ZBTB7C: variants seen among roughly 807,000 people sequenced by gnomAD.
ZBTB7C encodes the protein zinc finger and BTB domain containing 7C.
In ZBTB7C, 8 loss-of-function variants were observed where a neutral mutation model predicts 25.7. The ratio of observed to expected loss-of-function variants is 0.31; its 90% CI spans 0.18 to 0.56. The LOEUF (loss-of-function observed/expected upper bound fraction) is 0.56, where lower values mean the gene tolerates loss of function less well. Ranked by LOEUF, ZBTB7C falls within the 20% of genes least tolerant of loss-of-function variation. The pLI, the probability that ZBTB7C is intolerant of heterozygous loss-of-function variation, is 0.91. For missense variants in ZBTB7C, 824 were observed against 855.2 expected (o/e 0.96, Z 0.46); for synonymous variants, 394 against 369.0 (o/e 1.07, Z -0.78).
intron 2 of ZBTB7C, among the ~76,000 whole-genome samples, chr18:48,196,066 T>C (rs2042311168): frequency 6.6e-6 from 1 of 152,230 alleles, no homozygotes; most frequent in Non-Finnish European, 1.5e-5. Context: ...AGTGTTCCTC[T>C]AGCTGTGGGT....
intron 1 of ZBTB7C, among the ~76,000 whole-genome samples, chr18:48,405,145 A>G (rs1416773695): frequency 6.6e-6 from 1 of 152,018 alleles, no homozygotes; most frequent in Admixed American, 6.5e-5. Flanking sequence ...CAGGGAAAAA[A>G]TCTGTTCGGC....
intron 3 of ZBTB7C, among the ~76,000 whole-genome samples, chr18:48,183,087 G>A (rs867310596): frequency 1.3e-5 from 2 of 151,880 alleles, no homozygotes; most frequent in Admixed American, 6.6e-5. Context: ...TAAAGAGTTC[G>A]AAAACGTTTG....
At chr18:48,136,498 A>G (rs2040167275) in intron 3 of ZBTB7C, among the ~76,000 whole-genome samples, 1 of 152,030 alleles carries the variant, frequency 6.6e-6, no homozygotes, top group Non-Finnish European at 1.5e-5. Flanking sequence ...CCAAGTTGCC[A>G]TGGCTTTTGT....
intron 2 of ZBTB7C, among the ~76,000 whole-genome samples, chr18:48,302,888 AC>A (rs1365813171): frequency 6.6e-6 from 1 of 152,066 alleles, no homozygotes; most frequent in Non-Finnish European, 1.5e-5. Context: ...CCACTTTGCA[AC>A]CCCAGGGCCC....
chr18:48,097,342 T>C (rs1279256280), intron 3 of ZBTB7C, among the ~76,000 whole-genome samples: 2 of 152,006 alleles, frequency 1.3e-5, no homozygotes, highest in East Asian at 1.9e-4. Flanking sequence ...TGAGAGAGCA[T>C]ATGGTCCCAG....
chr18:48,222,592 C>T (rs531659334), intron 2 of ZBTB7C, among the ~76,000 whole-genome samples: 86 of 152,290 alleles, frequency 5.6e-4, no homozygotes, highest in African/African-American at 2.0e-3. Flanking sequence ...TGCCTGCTGC[C>T]TCCCAAATCT....
chr18:48,046,926 T>C (rs1243814720), intron 3 of ZBTB7C, among the ~76,000 whole-genome samples: 1 of 152,198 alleles, frequency 6.6e-6, no homozygotes, highest in Admixed American at 6.5e-5. Flanking sequence ...GAACCCACCC[T>C]GTGACCCTGG....
intron 2 of ZBTB7C, among the ~76,000 whole-genome samples, chr18:48,235,826 A>G (rs1466670842): frequency 6.6e-6 from 1 of 152,176 alleles, no homozygotes; most frequent in Non-Finnish European, 1.5e-5. Context: ...CCTTTGTAGG[A>G]CATCCATCTT....
intron 2 of ZBTB7C, among the ~76,000 whole-genome samples, chr18:48,260,699 T>C (rs547983494): frequency 6.6e-6 from 1 of 152,304 alleles, no homozygotes; most frequent in South Asian, 2.1e-4. Context: ...GTGCGAGAAC[T>C]GTAGTAAAGT....
Position 48,223,341 on chromosome 18 carries a change from T to A in ZBTB7C, c.-78-37346A>T, listed in dbSNP as rs188574573. On this transcript the variant is annotated intron_variant, in intron 2 of 4. Coordinates refer to ENST00000590800, the MANE Select transcript of ZBTB7C (RefSeq NM_001318841.2). ...CCCATACCCCTTATTCTAATTGTCATATTCTAGAAACATATCCTGGAAACC... is the reference window on the plus strand; with the variant it reads ...CCCATACCCCTTATTCTAATTGTCAAATTCTAGAAACATATCCTGGAAACC... Among the ~76,000 whole-genome samples, 25 of 152,256 alleles carry A rather than the reference T, an allele frequency of 1.6e-4. 3 individuals carry two copies. Among genetic ancestry groups the A allele is most frequent in the African/African-American group, 6.0e-4 (25 of 41,556 alleles).
chr18:48,090,658 C>T (rs1250636968), intron 3 of ZBTB7C, among the ~76,000 whole-genome samples: 1 of 151,252 alleles, frequency 6.6e-6, no homozygotes, highest in African/African-American at 2.5e-5. Context: ...CTTAACTTCC[C>T]ATGGTCCCTA....
At chr18:48,087,317 A>T (rs1279572137) in intron 3 of ZBTB7C, among the ~76,000 whole-genome samples, 1 of 152,228 alleles carries the variant, frequency 6.6e-6, no homozygotes, top group Non-Finnish European at 1.5e-5. Flanking sequence ...AGAATGTGAA[A>T]ATGTTGAACA....
Position 48,402,693 on chromosome 18 carries a change from T to C in ZBTB7C, c.-304+6533A>G, listed in dbSNP as rs148482645. 3.5e-4 allele frequency among the ~76,000 whole-genome samples: 54 copies of C among 152,334 alleles called. 1 individual carries two copies. In the East Asian group the frequency reaches 0.01, roughly 29 times the overall value. ...AAGATGGCATGGATTTTAACAGTTT[T>C]GGAAAACAATGTTTTTCCCAATTAT... On this transcript the variant is annotated intron_variant, in intron 1 of 4. Transcript: ENST00000590800.
Position 48,358,812 on chromosome 18 carries a change from A to G in ZBTB7C, c.-303-20414T>C, listed in dbSNP as rs115708118. ...CTGTGAATATACTAAAAAACATTGC[A>G]CTGTACACTTAGAGGGATGAACTTT... is the stretch of plus-strand genomic sequence containing the variant. On this transcript the variant is annotated intron_variant, in intron 1 of 4. Transcript: ENST00000590800. Among the ~76,000 whole-genome samples, 1,084 of 152,316 alleles carry G rather than the reference A, an allele frequency of 7.1e-3. 10 individuals are homozygous for G. The highest frequency in any genetic ancestry group is 0.025 in the African/African-American group (1,019 of 41,558).
intron 3 of ZBTB7C, among the ~76,000 whole-genome samples, chr18:48,051,774 G>GA (rs1189046365): frequency 8.5e-5 from 13 of 152,206 alleles, no homozygotes; most frequent in African/African-American, 3.1e-4. Context: ...GCAGGGTCAA[G>GA]AGCTGGCGGG....
intron 3 of ZBTB7C, among the ~76,000 whole-genome samples, chr18:48,065,618 G>T (rs537225848): frequency 6.6e-6 from 1 of 152,170 alleles, no homozygotes; most frequent in African/African-American, 2.4e-5. Flanking sequence ...GGGCTGTTCA[G>T]CTGACAAGAG....
chr18:48,385,541 C>A lies in ZBTB7C; in HGVS notation c.-304+23685G>T, dbSNP rs151133278. 7.1e-4 allele frequency among the ~76,000 whole-genome samples: 108 copies of A among 152,342 alleles called. 2 individuals carry two copies. In the East Asian group the frequency reaches 0.019, roughly 27 times the overall value. ...GGTAGCACCACAGAAAGTCACCCCCCTTGCAAGTCTAAATGCACATGCTGT... is the reference window on the plus strand; with the variant it reads ...GGTAGCACCACAGAAAGTCACCCCCATTGCAAGTCTAAATGCACATGCTGT... On this transcript the variant is annotated intron_variant, in intron 1 of 4. Coordinates refer to ENST00000590800, the MANE Select transcript of ZBTB7C (RefSeq NM_001318841.2).
At chr18:48,354,442 C>T in intron 1 of ZBTB7C, among the ~76,000 whole-genome samples, 1 of 152,138 alleles carries the variant, frequency 6.6e-6, no homozygotes, top group South Asian at 2.1e-4. Context: ...TCTCACAGAC[C>T]ATCCAATATG....
intron 2 of ZBTB7C, among the ~76,000 whole-genome samples, chr18:48,212,975 A>T (rs1235730587): frequency 6.6e-6 from 1 of 152,178 alleles, no homozygotes; most frequent in Non-Finnish European, 1.5e-5. Context: ...AGCCACGTAC[A>T]AGGTCTGGCT....
Sources: allele counts gnomAD v4.1 joint callset (sites outside exome capture counted in the v4.1 genomes callset), GRCh38; gene constraint gnomAD v4.1.1; transcripts MANE v1.5; gene names NCBI Gene and HGNC (gene_info 2026-07-23, HGNC 2026-07-21).